Variants in IMPA2 observed in about 807,000 individuals in gnomAD.
The protein encoded by IMPA2 is IMP 2.
In IMPA2, 32 loss-of-function variants were observed where a neutral mutation model predicts 35.1. That is an observed-to-expected ratio of 0.91 (90% CI 0.69 to 1.23). The LOEUF (loss-of-function observed/expected upper bound fraction) is 1.23. IMPA2 is among the 50% of genes most tolerant of loss of function. The pLI is 0.00. For missense variants in IMPA2, 334 were observed against 387.6 expected (o/e 0.86, Z 1.16); for synonymous variants, 135 against 160.6 (o/e 0.84, Z 1.20).
In IMPA2 at chr18:12,030,841, C is replaced by T. The variant is rs546535097; in HGVS notation, c.*383C>T. ...GCGGATCGTTCTCAGGCCCTCCCCC[C>T]GGAGTACTTCAGAATGCAATAAATC... On this transcript the variant is annotated 3_prime_UTR_variant, in exon 8 of 8. Coordinates refer to ENST00000269159, the MANE Select transcript of IMPA2 (RefSeq NM_014214.3). The T allele has an allele frequency of 9.0e-5, 18 of 200,218 alleles. No individual in the cohort carries two copies. Among genetic ancestry groups the T allele is most frequent in the Non-Finnish European group, 1.5e-4 (15 of 97,878 alleles). The allele number at this position is 200,218 out of a possible 1,614,324, so 12.4% of individuals were successfully genotyped here.
intron 1 of IMPA2, among the ~76,000 whole-genome samples, chr18:11,996,654 C>T (rs1307274098): frequency 6.6e-6 from 1 of 152,116 alleles, no homozygotes; most frequent in Non-Finnish European, 1.5e-5. Context: ...CTGAAGTGAG[C>T]ACCCCTGCAT....
At chr18:12,021,238 T>A (rs929609371) in intron 5 of IMPA2, among the ~76,000 whole-genome samples, 2 of 152,044 alleles carry the variant, frequency 1.3e-5, no homozygotes, top group African/African-American at 4.8e-5. Context: ...ACAAAAAATT[T>A]AAAAATTAGC....
At chr18:12,004,090 A>T (rs544369714) in intron 2 of IMPA2, among the ~76,000 whole-genome samples, 4 of 152,354 alleles carry the variant, frequency 2.6e-5, no homozygotes, top group African/African-American at 9.6e-5. Context: ...CATCAAACAG[A>T]ATCCTTGACA....
Position 12,010,089 on chromosome 18 carries a change from A to G in IMPA2, c.335+102A>G, listed in dbSNP as rs913963612. 14 of 787,474 alleles carry G rather than the reference A, an allele frequency of 1.8e-5. No homozygotes were observed. In the African/African-American group the frequency reaches 2.2e-4, roughly 12 times the overall value. The allele number at this position is 787,474 out of a possible 1,614,324, so 48.8% of individuals were successfully genotyped here. A position where few individuals can be genotyped will look rare whatever the true frequency, so the allele number is the denominator to read the frequency against. ...GCATTTTTTAAGGCAGGAATATATA[A>G]ACAAACCTATAGTACACTCATAGTC... On this transcript the variant is annotated intron_variant, in intron 3 of 7. Transcript: ENST00000269159. The surrounding 1 kb of genome is among the most constrained non-coding windows in gnomAD (Gnocchi z 4.8).
chr18:12,016,609 G>C (rs1038900423), intron 5 of IMPA2, among the ~76,000 whole-genome samples: 1 of 151,960 alleles, frequency 6.6e-6, no homozygotes, highest in Non-Finnish European at 1.5e-5. Flanking sequence ...AGTAGAGACG[G>C]GGTTTCACCA....
intron 7 of IMPA2, 115 bp downstream of exon 7, chr18:12,029,108 GTTTTTTTTTT>G (rs1158665365): frequency 1.4e-4 from 37 of 267,298 alleles, no homozygotes; most frequent in African/African-American, 1.9e-4. Flanking sequence ...CAGAGTTTCT[GTTTTTTTTTT>G]TTTTTTTTTT....
At chr18:12,028,470 A>C (rs1334659938) in intron 6 of IMPA2, 6 of 439,950 alleles carry the variant, frequency 1.4e-5, no homozygotes, top group Non-Finnish European at 2.5e-5. Flanking sequence ...CAGGTTTATC[A>C]AAGCCCAGTG....
At chr18:11,984,482 CG>C (rs1421586980) in intron 1 of IMPA2, among the ~76,000 whole-genome samples, 1 of 152,242 alleles carries the variant, frequency 6.6e-6, no homozygotes, top group Non-Finnish European at 1.5e-5. Context: ...CAAATCCCCC[CG>C]CGGAGCTGAA....
At chr18:11,981,976 G>A (rs1409394881) in intron 1 of IMPA2, among the ~76,000 whole-genome samples, 5 of 152,262 alleles carry the variant, frequency 3.3e-5, no homozygotes, top group African/African-American at 1.2e-4. Flanking sequence ...AGCCCTGGCG[G>A]CGAGCCCCTC....
chr18:12,004,675 C>T (rs536139332), intron 2 of IMPA2, among the ~76,000 whole-genome samples: 1 of 152,166 alleles, frequency 6.6e-6, no homozygotes, highest in South Asian at 2.1e-4. Context: ...CAGGCATGCA[C>T]CACTATGTCT....
intron 2 of IMPA2, among the ~76,000 whole-genome samples, chr18:12,005,675 G>A (rs536654329): frequency 2.4e-4 from 36 of 152,306 alleles, no homozygotes; most frequent in African/African-American, 6.3e-4. Flanking sequence ...CGCATCTGGC[G>A]AATGAACAGA....
At chr18:12,003,655 AAAAAAAAAAGAAAAGG>A (rs1459025777) in intron 2 of IMPA2, among the ~76,000 whole-genome samples, 14 of 62,422 alleles carry the variant, frequency 2.2e-4, no homozygotes, top group African/African-American at 1.7e-3. Context: ...CATCTTAAAA[AAAAAAAAAAGAAAAGG>A]AAAAAAAAAA....
Position 12,014,274 on chromosome 18 carries a change from G to T in IMPA2, c.391G>T (p.Gly131Ter). ...CCTCTGCCGCCCACAGCTTGAATTC[G>T]GAGTGATTTACCACTGCACAGAGGA... ...GFAVRQELEF[G>*]VIYHCTEERL... is the part of the protein sequence containing the mutation. The change falls in exon 5 of 8, where the codon GGA (glycine) becomes TGA (stop). Residue 131 changes from glycine to a stop codon, truncating the protein, a stop_gained. Transcript: ENST00000269159. LOFTEE classifies it high-confidence loss of function. 4.3e-6 allele frequency: 7 copies of T among 1,613,594 alleles called. No individual in the cohort carries two copies. The highest frequency in any genetic ancestry group is 5.9e-6 in the Non-Finnish European group (7 of 1,179,644).
intron 5 of IMPA2, among the ~76,000 whole-genome samples, chr18:12,022,941 A>ATTTTTTTTTTTTT (rs35737614): frequency 5.0e-3 from 409 of 81,670 alleles, no homozygotes; most frequent in Non-Finnish European, 7.1e-3. Context: ...CGCCTGCCTA[A>ATTTTTTTTTTTTT]TTTTTTTTTT....
intron 2 of IMPA2, among the ~76,000 whole-genome samples, chr18:12,007,108 CGACAGGGCGA>C (rs1907269874): frequency 6.8e-6 from 1 of 146,160 alleles, no homozygotes; most frequent in African/African-American, 2.8e-5. Context: ...CCAGCCTGGG[CGACAGGGCGA>C]GACTCTGTCT....
At position 11,998,381 on chromosome 18, in the gene IMPA2, C is replaced by T. The variant is rs370438783; in HGVS notation, c.97-673C>T. Among the ~76,000 whole-genome samples, 14 of 152,248 alleles carry T rather than the reference C, an allele frequency of 9.2e-5. No homozygotes were observed. In the East Asian group the frequency reaches 1.7e-3, roughly 19 times the overall value. Reference sequence around the variant, plus strand: ...AGTGTGTTGGCAGCTTGCACAGCTGCGGAGCCTGTGTCGGAGCTCAGCCCT... The same window carrying T: ...AGTGTGTTGGCAGCTTGCACAGCTGTGGAGCCTGTGTCGGAGCTCAGCCCT... On this transcript the variant is annotated intron_variant, in intron 1 of 7. Coordinates refer to ENST00000269159, the MANE Select transcript of IMPA2 (RefSeq NM_014214.3).
intron 1 of IMPA2, among the ~76,000 whole-genome samples, chr18:11,985,725 G>A (rs971697058): frequency 1.1e-4 from 16 of 152,154 alleles, no homozygotes; most frequent in African/African-American, 3.6e-4. Flanking sequence ...CAGGTGGGTC[G>A]GCGTGATGGA....
chr18:12,009,485 G>A (rs2143803603), intron 2 of IMPA2, among the ~76,000 whole-genome samples: 1 of 152,228 alleles, frequency 6.6e-6, no homozygotes, highest in South Asian at 2.1e-4. Flanking sequence ...GAGAATCAAA[G>A]TCAGAGTCCT....
intron 1 of IMPA2, among the ~76,000 whole-genome samples, chr18:11,996,030 C>G (rs893668235): frequency 6.6e-6 from 1 of 151,894 alleles, no homozygotes; most frequent in Non-Finnish European, 1.5e-5. Context: ...ACAGGAAGGA[C>G]GAAGGGAAGT....
Sources: allele counts gnomAD v4.1 joint callset (sites outside exome capture counted in the v4.1 genomes callset), GRCh38; gene constraint gnomAD v4.1.1; non-coding constraint Gnocchi (gnomAD v3.1); transcripts MANE v1.5; gene names NCBI Gene and HGNC (gene_info 2026-07-23, HGNC 2026-07-21).